DENND3: variants seen among roughly 807,000 people sequenced by gnomAD.
The protein encoded by DENND3 is DENN domain-containing protein 3.
Under a neutral mutation model 135.1 loss-of-function variants are expected in DENND3, and 88 were observed. The ratio of observed to expected loss-of-function variants is 0.65; its 90% confidence interval spans 0.55 to 0.78. The LOEUF (loss-of-function observed/expected upper bound fraction) is 0.78, where lower values mean the gene tolerates loss of function less well. Among genes scored for constraint, DENND3 ranks in the 30% least tolerant of loss-of-function variants. The pLI is 0.00. For synonymous variants in DENND3, 693 were observed against 712.3 expected, an observed-to-expected ratio of 0.97 and a Z score of 0.43; for missense variants, 1,392 against 1,688.4, an observed-to-expected ratio of 0.82 and a Z score of 3.08.
In DENND3 at chr8:141,180,855, G is replaced by T. The variant is rs972274158; in HGVS notation, c.2944+1G>T. On this transcript the variant is annotated splice_donor_variant, in intron 17 of 22. Transcript: ENST00000519811. LOFTEE classifies it high-confidence loss of function. ...GTGGACGTGCTGCTCTACACTCCAG[G>T]TAAGGCCCCTCTGCCCGCGCCTCGC... 6.2e-7 allele frequency: 1 copy of T among 1,610,164 alleles called. No individual in the cohort carries two copies. Among genetic ancestry groups the T allele is most frequent in the Non-Finnish European group, 8.5e-7 (1 of 1,178,056 alleles).
Position 141,128,749 on chromosome 8 carries a change from G to C in DENND3, c.42G>C (p.Gly14=). 2 of 1,462,548 alleles carry C rather than the reference G, an allele frequency of 1.4e-6. No individual in the cohort carries two copies. Among genetic ancestry groups the C allele is most frequent in the Non-Finnish European group, 1.8e-6 (2 of 1,110,168 alleles). 90.6% of individuals were successfully genotyped at this position (1,462,548 alleles called of 1,614,324 possible). ...CGCCGCACTTGTCGCTGCCCTCGGG[G>C]CTGCTGGAGCTCTGCGCGCTGCTGG... is the stretch of plus-strand genomic sequence containing the variant. The part of the protein sequence containing the change: ...AASPHLSLPS[G]LLELCALLGA... Residue 14 remains glycine (G), a synonymous_variant, in exon 1 of 23, where the codon GGG becomes GGC. Coordinates refer to ENST00000519811, the MANE Select transcript of DENND3 (RefSeq NM_001352890.3). This position sits in a 1 kb window ranked among gnomAD's most constrained non-coding sequence, Gnocchi z 4.5.
chr8:141,163,515 C>A, intron 10 of DENND3, 86 bp downstream of exon 10: 1 of 909,582 alleles, frequency 1.1e-6, no homozygotes, highest in South Asian at 1.9e-5. Context: ...AATAAGTGTT[C>A]TCAAGTGTAT....
chr8:141,153,553 A>G (rs1427935651), intron 7 of DENND3, among the ~76,000 whole-genome samples: 1 of 152,038 alleles, frequency 6.6e-6, no homozygotes, highest in African/African-American at 2.4e-5. Context: ...TGCTTCCCCC[A>G]CAAGTGTTGG....
intron 8 of DENND3, among the ~76,000 whole-genome samples, chr8:141,156,712 G>C (rs539105271): frequency 6.6e-6 from 1 of 151,852 alleles, no homozygotes; most frequent in Non-Finnish European, 1.5e-5. Flanking sequence ...TGGGCATGAC[G>C]CATTCTGTCC....
chr8:141,133,652 G>A (rs912241068), intron 1 of DENND3, among the ~76,000 whole-genome samples: 1 of 152,074 alleles, frequency 6.6e-6, no homozygotes, highest in Admixed American at 6.5e-5. Flanking sequence ...GGGCAGCATC[G>A]AGCTGATGGA....
chr8:141,150,622 C>T (rs1423247406), intron 5 of DENND3, among the ~76,000 whole-genome samples: 1 of 152,224 alleles, frequency 6.6e-6, no homozygotes, highest in Non-Finnish European at 1.5e-5. Context: ...TAGAAAAAGA[C>T]ATTAAGTACT....
At chr8:141,157,975 G>T in intron 8 of DENND3, 5 of 1,058,882 alleles carry the variant, frequency 4.7e-6, no homozygotes, top group Non-Finnish European at 5.9e-6. Flanking sequence ...GGCCAGGCTG[G>T]TCTCGAACTC....
intron 10 of DENND3, among the ~76,000 whole-genome samples, chr8:141,164,329 T>C (rs1820504693): frequency 6.6e-6 from 1 of 152,264 alleles, no homozygotes; most frequent in Non-Finnish European, 1.5e-5. Context: ...TACAAAAAAA[T>C]AATCACCTTG....
At chr8:141,158,243 T>G (rs947608517) in intron 8 of DENND3, 1 of 1,289,566 alleles carries the variant, frequency 7.8e-7, no homozygotes, top group Admixed American at 2.3e-5. Flanking sequence ...CTGCGCGAAC[T>G]TTGAAGGAGA....
intron 1 of DENND3, among the ~76,000 whole-genome samples, chr8:141,134,870 G>A (rs558787590): frequency 4.6e-5 from 7 of 152,192 alleles, no homozygotes; most frequent in South Asian, 4.1e-4. Flanking sequence ...TTGCTCTGTC[G>A]CGCAGGCTGG....
At chr8:141,189,256 CAG>C in intron 19 of DENND3, 110 bp downstream of exon 19, 2 of 1,434,504 alleles carry the variant, frequency 1.4e-6, no homozygotes, top group Non-Finnish European at 1.9e-6. Flanking sequence ...GCGGGGCGTA[CAG>C]AGTGAAGTGG....
chr8:141,193,990 G>A (rs756082013), intron 22 of DENND3, 43 bp from the exon 23 acceptor site: 4 of 1,595,788 alleles, frequency 2.5e-6, no homozygotes, highest in Non-Finnish European at 3.4e-6. Flanking sequence ...GCTCTTGGGA[G>A]GGGCTTCTTT....
chr8:141,145,806 TATATATATATATATA>T (rs1817962112), intron 5 of DENND3, among the ~76,000 whole-genome samples: 1 of 7,506 alleles, frequency 1.3e-4, no homozygotes, highest in African/African-American at 4.9e-4. Context: ...TTGAATATTA[TATATATATATATATA>T]TATATATATA....
rs1815901978 is a variant in DENND3 at position 141,130,537 on chromosome 8, A to G, written c.102+1728A>G. On this transcript the variant is annotated intron_variant, in intron 1 of 22. Transcript: ENST00000519811. This position sits in a 1 kb window ranked among gnomAD's most constrained non-coding sequence, Gnocchi z 4.2. ...TGGAGAGAAAAGTAGTGAAGGACTA[A>G]GAAAATAAGGAGCGTTAGGGGATGG... is the stretch of plus-strand genomic sequence containing the variant. 6.6e-6 allele frequency among the ~76,000 whole-genome samples: 1 copy of G among 152,200 alleles called. No homozygotes were observed. Among genetic ancestry groups the G allele is most frequent in the African/African-American group, 2.4e-5 (1 of 41,464 alleles).
intron 16 of DENND3, 30 bp from the exon 17 acceptor site, chr8:141,180,717 C>G: frequency 6.3e-7 from 1 of 1,597,220 alleles, no homozygotes; most frequent in Non-Finnish European, 8.6e-7. Context: ...GAGGCTGCAA[C>G]AGTAACACTC....
chr8:141,160,176 A>AT (rs754210850), intron 8 of DENND3, among the ~76,000 whole-genome samples: 195 of 107,074 alleles, frequency 1.8e-3, no homozygotes, highest in South Asian at 0.016. Context: ...CCAGCGATGT[A>AT]TTTTTTTTTT....
intron 17 of DENND3, chr8:141,184,737 A>G: frequency 5.7e-6 from 1 of 174,382 alleles, no homozygotes; most frequent in Non-Finnish European, 1.2e-5. Flanking sequence ...GGGGGGCACC[A>G]TGGCCCCTGC....
Position 141,154,564 on chromosome 8 carries a change from T to C in DENND3, c.1075-1285T>C, listed in dbSNP as rs1357820270. On this transcript the variant is annotated intron_variant, in intron 7 of 22. Transcript: ENST00000519811. The surrounding 1 kb of genome is among the most constrained non-coding windows in gnomAD (Gnocchi z 4.4). ...AACATGTATTGGAATCTTTTTTTTT[T>C]CTTTTTTTTTTTTGTGAGATGGAGT... Among the ~76,000 whole-genome samples, 1 of 151,652 alleles carries C rather than the reference T, an allele frequency of 6.6e-6. No homozygotes were observed. Among genetic ancestry groups the C allele is most frequent in the Admixed American group, 6.6e-5 (1 of 15,168 alleles).
intron 5 of DENND3, among the ~76,000 whole-genome samples, chr8:141,145,840 TATATATATATG>T (rs1569555481): frequency 1.1e-4 from 9 of 82,784 alleles, no homozygotes; most frequent in African/African-American, 7.9e-4. Flanking sequence ...TATATATATA[TATATATATATG>T]TATTTTTTTT....
Sources: gnomAD v4.1 joint callset for allele counts (sites outside exome capture counted in the v4.1 genomes callset) on GRCh38, gnomAD v4.1.1 for gene constraint, Gnocchi (gnomAD v3.1) non-coding constraint, MANE v1.5 for transcripts, NCBI Gene and HGNC (gene_info 2026-07-23, HGNC 2026-07-21) for gene names.